FAM107B: variants seen among roughly 807,000 people sequenced by gnomAD.
FAM107B encodes family with sequence similarity 107 member B.
In FAM107B, 21 loss-of-function variants were observed where a neutral mutation model predicts 31.5. That is an observed-to-expected ratio of 0.67 (90% CI 0.47 to 0.96). The LOEUF is 0.96. Ranked by LOEUF, FAM107B falls within the 40% of genes least tolerant of loss-of-function variation. The probability of loss-of-function intolerance (pLI) is 0.00; values close to 1 mark genes in which losing one functional copy is unlikely to be tolerated. For missense variants in FAM107B, 452 were observed against 377.1 expected (o/e 1.20, Z -1.64); for synonymous variants, 157 against 141.5 (o/e 1.11, Z -0.78).
intron 2 of FAM107B, among the ~76,000 whole-genome samples, chr10:14,570,233 GGTGTGTGTGTGTGTGT>G (rs57206586): frequency 2.1e-5 from 3 of 140,338 alleles, no homozygotes; most frequent in African/African-American, 8.0e-5. Context: ...AAATGTGGTG[GGTGTGTGTGTGTGTGT>G]GTGTGTGTGT....
intron 1 of FAM107B, among the ~76,000 whole-genome samples, chr10:14,762,596 A>ATCTT (rs1460403559): frequency 0.02 from 3,071 of 152,072 alleles, 113 homozygotes; most frequent in African/African-American, 0.071. Context: ...CTCTACTAAA[A>ATCTT]AGTACATAAA....
intron 1 of FAM107B, among the ~76,000 whole-genome samples, chr10:14,686,889 G>A (rs1306754215): frequency 1.3e-5 from 2 of 152,148 alleles, no homozygotes; most frequent in Non-Finnish European, 2.9e-5. Context: ...CAATGCCCAG[G>A]GCCCTTGCTA....
At chr10:14,567,592 ATG>A (rs1850786326) in intron 2 of FAM107B, among the ~76,000 whole-genome samples, 1 of 152,180 alleles carries the variant, frequency 6.6e-6, no homozygotes, top group Non-Finnish European at 1.5e-5. Flanking sequence ...AGGGACAGGC[ATG>A]GGTGGGCCGC....
chr10:14,561,657 C>A (rs913373496), intron 2 of FAM107B, among the ~76,000 whole-genome samples: 5 of 152,216 alleles, frequency 3.3e-5, no homozygotes, highest in African/African-American at 4.8e-5. Context: ...TAATAACACT[C>A]CTCATTCCTT....
At chr10:14,613,529 G>A (rs1460866694) in intron 2 of FAM107B, among the ~76,000 whole-genome samples, 1 of 152,178 alleles carries the variant, frequency 6.6e-6, no homozygotes, top group East Asian at 1.9e-4. Context: ...CAAACTTCAA[G>A]ATAATCTTAA....
chr10:14,629,437 A>T (rs530444890), intron 2 of FAM107B, among the ~76,000 whole-genome samples: 1 of 7,872 alleles, frequency 1.3e-4, no homozygotes, highest in Non-Finnish European at 2.0e-4. Flanking sequence ...AATATATATT[A>T]TATATATATT....
At chr10:14,739,718 A>C (rs1170477922) in intron 1 of FAM107B, among the ~76,000 whole-genome samples, 2 of 152,232 alleles carry the variant, frequency 1.3e-5, no homozygotes, top group Non-Finnish European at 2.9e-5. Flanking sequence ...AAGTTCTACA[A>C]CTTGTGCTAG....
At chr10:14,709,408 G>A (rs1422138995) in intron 1 of FAM107B, among the ~76,000 whole-genome samples, 2 of 152,156 alleles carry the variant, frequency 1.3e-5, no homozygotes, top group African/African-American at 4.8e-5. Flanking sequence ...AAAGGAAGGA[G>A]GAGTAAGTCA....
chr10:14,584,384 A>G (rs1488129330), intron 2 of FAM107B, among the ~76,000 whole-genome samples: 1 of 152,266 alleles, frequency 6.6e-6, no homozygotes, highest in Non-Finnish European at 1.5e-5. Context: ...TCCGAGGTCC[A>G]GCTGCCGATG....
intron 2 of FAM107B, among the ~76,000 whole-genome samples, chr10:14,579,383 T>A (rs1851562478): frequency 6.6e-6 from 1 of 152,240 alleles, no homozygotes; most frequent in Non-Finnish European, 1.5e-5. Context: ...AGAAGCCAGT[T>A]ACCCGGTTGC....
chr10:14,548,823 C>T (rs1200642418), intron 2 of FAM107B, among the ~76,000 whole-genome samples: 19 of 36,596 alleles, frequency 5.2e-4, no homozygotes, highest in Non-Finnish European at 1.2e-3. Flanking sequence ...TACACATGCA[C>T]ACGCACACAC....
intron 2 of FAM107B, among the ~76,000 whole-genome samples, chr10:14,550,150 G>A (rs2131058810): frequency 6.6e-6 from 1 of 152,322 alleles, no homozygotes; most frequent in South Asian, 2.1e-4. Context: ...CTATAGAAGT[G>A]AAGTGATCCG....
At chr10:14,589,748 G>A (rs533325869) in intron 2 of FAM107B, among the ~76,000 whole-genome samples, 12 of 152,166 alleles carry the variant, frequency 7.9e-5, no homozygotes, top group African/African-American at 2.2e-4. Context: ...CCAAACCACC[G>A]TGGCACATGT....
intron 2 of FAM107B, among the ~76,000 whole-genome samples, chr10:14,579,154 C>T (rs1409392): frequency 0.44 from 66,654 of 152,038 alleles, 15,892 homozygotes; most frequent in Middle Eastern, 0.62. Context: ...TCTTAATTTG[C>T]TTCTGAAATA....
intron 1 of FAM107B, among the ~76,000 whole-genome samples, chr10:14,683,358 T>A (rs1484181025): frequency 2.6e-5 from 4 of 152,120 alleles, no homozygotes; most frequent in Non-Finnish European, 5.9e-5. Context: ...TTCCACACCG[T>A]TAGGGAAGGC....
chr10:14,598,785 T>C (rs79029194), intron 2 of FAM107B, among the ~76,000 whole-genome samples: 1 of 152,170 alleles, frequency 6.6e-6, no homozygotes, highest in East Asian at 1.9e-4. Context: ...CACCCCTCAT[T>C]TGCCAAATCT....
chr10:14,559,160 G>C (rs1367464432), intron 2 of FAM107B, among the ~76,000 whole-genome samples: 3 of 150,870 alleles, frequency 2.0e-5, no homozygotes, highest in Non-Finnish European at 4.4e-5. Flanking sequence ...ACAGGGAGCA[G>C]AGAAGAGAAT....
rs994635270 is a variant in FAM107B at position 14,521,274 on chromosome 10, C to A, written c.837G>T (p.Glu279Asp). Residue 279 changes from glutamate to aspartate, a missense_variant, in exon 5 of 5, where the codon GAG becomes GAT. By Grantham distance (45) the Glu-to-Asp change is conservative. Coordinates refer to ENST00000181796, the MANE Select transcript of FAM107B (RefSeq NM_031453.4). ...TCACAAACTCGGGGGCATTTTCTTGCTCTTCTTGCAATTTCTGCTTCTCAA... is the reference window on the plus strand; with the variant it reads ...TCACAAACTCGGGGGCATTTTCTTGATCTTCTTGCAATTTCTGCTTCTCAA... ...LELEKQKLQEEQENAPEFVKV... is the reference protein window; with the variant it reads ...LELEKQKLQEDQENAPEFVKV... The A allele has an allele frequency of 1.9e-6, 3 of 1,614,110 alleles. No individual in the cohort carries two copies. Among genetic ancestry groups the A allele is most frequent in the Non-Finnish European group, 2.5e-6 (3 of 1,179,994 alleles).
chr10:14,608,806 G>C (rs1443715277), intron 2 of FAM107B, among the ~76,000 whole-genome samples: 1 of 152,254 alleles, frequency 6.6e-6, no homozygotes, highest in African/African-American at 2.4e-5. Flanking sequence ...GATGGTAGAA[G>C]CAGTAGTCAT....
Sources: allele counts gnomAD v4.1 joint callset (sites outside exome capture counted in the v4.1 genomes callset), GRCh38; gene constraint gnomAD v4.1.1; transcripts MANE v1.5; gene names NCBI Gene and HGNC (gene_info 2026-07-23, HGNC 2026-07-21).